AP3D1: variants seen among roughly 807,000 people sequenced by gnomAD.
AP3D1 encodes the protein AP-3 complex subunit delta-1.
A neutral mutation model predicts 147.6 loss-of-function variants in AP3D1; 51 were observed. That is an observed-to-expected ratio of 0.35 (90% confidence interval 0.28 to 0.44). The LOEUF (loss-of-function observed/expected upper bound fraction) is 0.44. Ranked by LOEUF, AP3D1 falls within the 20% of genes least tolerant of loss-of-function variation. AP3D1 has a pLI of 1.00. For synonymous variants in AP3D1, 760 were observed against 663.0 expected, an observed-to-expected ratio of 1.15 and a Z score of -2.25; for missense variants, 1,421 against 1,624.2, an observed-to-expected ratio of 0.87 and a Z score of 2.15.
chr19:2,147,969 G>A (rs940966860), intron 1 of AP3D1, among the ~76,000 whole-genome samples: 1 of 151,802 alleles, frequency 6.6e-6, no homozygotes, highest in African/African-American at 2.4e-5. Context: ...GGATCACGAG[G>A]ACAGGAGATT....
intron 3 of AP3D1, among the ~76,000 whole-genome samples, chr19:2,137,438 C>T (rs2019106180): frequency 6.6e-6 from 1 of 152,028 alleles, no homozygotes. Context: ...CTGAGCCTCC[C>T]AAGTAGCTAG....
At chr19:2,162,891 G>A (rs777432930) in intron 1 of AP3D1, among the ~76,000 whole-genome samples, 57 of 151,874 alleles carry the variant, frequency 3.8e-4, no homozygotes, top group Non-Finnish European at 6.9e-4. Context: ...GGTGTCCCCC[G>A]GGGACTTGGG....
intron 1 of AP3D1, among the ~76,000 whole-genome samples, chr19:2,139,462 G>T (rs1001192062): frequency 1.3e-5 from 2 of 152,176 alleles, no homozygotes; most frequent in African/African-American, 4.8e-5. Flanking sequence ...CACCATCAAG[G>T]ACAATTCTGA....
At chr19:2,122,421 G>A (rs1022768305) in intron 11 of AP3D1, among the ~76,000 whole-genome samples, 7 of 152,200 alleles carry the variant, frequency 4.6e-5, no homozygotes, top group African/African-American at 7.2e-5. Context: ...TTCAGGCCAC[G>A]GGGCAGCACT....
At chr19:2,108,936 C>T (rs545336556) in intron 30 of AP3D1, 150 bp downstream of exon 30, 6 of 1,367,952 alleles carry the variant, frequency 4.4e-6, no homozygotes, top group Middle Eastern at 2.3e-4. Flanking sequence ...GCCCCCGCAC[C>T]AGCTCCCAGG....
At chr19:2,144,026 C>G (rs369861263) in intron 1 of AP3D1, among the ~76,000 whole-genome samples, 2 of 147,938 alleles carry the variant, frequency 1.4e-5, no homozygotes, top group Non-Finnish European at 3.0e-5. Context: ...GCAGACGTTG[C>G]GGTGAGCCGA....
intron 22 of AP3D1, among the ~76,000 whole-genome samples, chr19:2,113,859 T>A (rs1437749717): frequency 1.3e-5 from 2 of 152,218 alleles, no homozygotes; most frequent in African/African-American, 4.8e-5. Context: ...CACGCCGAGC[T>A]CTGACCATGT....
chr19:2,130,621 G>A (rs2018913417), intron 5 of AP3D1, 84 bp from the exon 6 acceptor site: 10 of 1,580,512 alleles, frequency 6.3e-6, no homozygotes, highest in Non-Finnish European at 8.6e-6. Context: ...CCTCCACAGA[G>A]AGGAGATGCC....
At chr19:2,141,959 T>C (rs2019232082) in intron 1 of AP3D1, among the ~76,000 whole-genome samples, 1 of 149,736 alleles carries the variant, frequency 6.7e-6, no homozygotes, top group South Asian at 2.1e-4. Context: ...TTTTTGCATA[T>C]ATTTATGTAT....
chr19:2,114,643 GCCT>G, intron 21 of AP3D1, 102 bp downstream of exon 21: 9 of 425,148 alleles, frequency 2.1e-5, no homozygotes, highest in Middle Eastern at 4.3e-4. Context: ...CCCCACCCCA[GCCT>G]GCCCACCCTG....
intron 31 of AP3D1, among the ~76,000 whole-genome samples, chr19:2,105,798 C>A (rs897674111): frequency 2.6e-5 from 4 of 152,158 alleles, no homozygotes; most frequent in Admixed American, 6.5e-5. Flanking sequence ...TCAGGCCCAG[C>A]AGAATGGCTG....
intron 31 of AP3D1, 137 bp from the exon 32 acceptor site, chr19:2,102,405 T>G: frequency 1.0e-5 from 7 of 685,516 alleles, no homozygotes; most frequent in Non-Finnish European, 1.8e-5. Flanking sequence ...ACCAGCCTGG[T>G]CAACACGGTG....
chr19:2,129,219 G>A, intron 7 of AP3D1, 56 bp from the exon 8 acceptor site: 1 of 1,609,126 alleles, frequency 6.2e-7, no homozygotes, highest in East Asian at 2.2e-5. Flanking sequence ...GCAGGGTGAG[G>A]GACAGGGGGG....
At position 2,110,873 on chromosome 19, in the gene AP3D1, C is replaced by A. The variant is rs2018254624; in HGVS notation, c.3009G>T (p.Leu1003=). The change falls in exon 27 of 32, where the codon CTG becomes CTT. Residue 1003 remains leucine (L), a synonymous_variant. Transcript: ENST00000643116. ...VKMTCDIRGS[L]QEDSQVTVAI... is the part of the protein sequence containing the mutation. ...CCACAGTGACCTGGCTGTCCTCCTG[C>A]AGACTGCCCCGGATGTCACAGGTCT... 1 of 1,613,116 alleles carries A rather than the reference C, an allele frequency of 6.2e-7. No homozygotes were observed. The highest frequency in any genetic ancestry group is 1.3e-5 in the African/African-American group (1 of 74,934).
chr19:2,162,050 T>G (rs935559623), intron 1 of AP3D1, among the ~76,000 whole-genome samples: 5 of 149,284 alleles, frequency 3.3e-5, no homozygotes, highest in Non-Finnish European at 7.4e-5. Flanking sequence ...TTTTTTTTTT[T>G]TTTGAGACAC....
chr19:2,131,396 C>T (rs113989148), intron 5 of AP3D1, among the ~76,000 whole-genome samples: 12 of 92,494 alleles, frequency 1.3e-4, no homozygotes, highest in Admixed American at 5.6e-4. Flanking sequence ...GGCAGCCACG[C>T]GGGGACAGCG....
Position 2,143,922 on chromosome 19 carries a change from C to T in AP3D1, c.97-5208G>A, listed in dbSNP as rs554782846. ...GACCAACGTGGAGAAACCCCATCTCCGCTAAAAATACAAAATTAGCCGGGG... is the reference window on the plus strand; with the variant it reads ...GACCAACGTGGAGAAACCCCATCTCTGCTAAAAATACAAAATTAGCCGGGG... On this transcript the variant is annotated intron_variant, in intron 1 of 31. Coordinates refer to ENST00000643116, the MANE Select transcript of AP3D1 (RefSeq NM_001261826.3). Among the ~76,000 whole-genome samples the T allele has an allele frequency of 3.0e-4, 45 of 151,918 alleles. No individual in the cohort carries two copies. In the South Asian group the frequency reaches 5.2e-3, roughly 18 times the overall value.
upstream of AP3D1, among the ~76,000 whole-genome samples, chr19:2,155,645 T>G (rs1169976734): frequency 6.6e-6 from 1 of 152,152 alleles, no homozygotes; most frequent in Non-Finnish European, 1.5e-5. Flanking sequence ...AGCATTTTGT[T>G]TATTATTGGT....
chr19:2,115,759 G>A (rs1002447926), intron 18 of AP3D1, 146 bp from the exon 19 acceptor site: 49 of 805,964 alleles, frequency 6.1e-5, no homozygotes, highest in Non-Finnish European at 8.0e-5. Context: ...GAGGAGCGCC[G>A]TGAGCGAGCG....
Sources: gnomAD v4.1 joint callset for allele counts (sites outside exome capture counted in the v4.1 genomes callset) on GRCh38, gnomAD v4.1.1 for gene constraint, MANE v1.5 for transcripts, NCBI Gene and HGNC (gene_info 2026-07-23, HGNC 2026-07-21) for gene names.